The following KHDC4 variants were observed in gnomAD, a reference collection of about 807,000 sequenced individuals.
The protein encoded by KHDC4 is KH domain containing 4, pre-mRNA splicing factor, also known as KH homology domain-containing protein 4.
Under a neutral mutation model 74.5 loss-of-function variants are expected in KHDC4, and 19 were observed. That is an observed-to-expected ratio of 0.26 (90% confidence interval 0.18 to 0.37). The LOEUF is 0.37. KHDC4 is among the 10% of genes least tolerant of loss of function. The probability of loss-of-function intolerance (pLI) is 1.00; values close to 1 mark genes in which losing one functional copy is unlikely to be tolerated. For missense variants in KHDC4, 632 were observed against 754.1 expected (o/e 0.84, Z 1.90); for synonymous variants, 253 against 266.1 (o/e 0.95, Z 0.48).
chr1:155,914,036 A>G lies in KHDC4; in HGVS notation c.*85T>C. 1 of 1,201,406 alleles carries G rather than the reference A, an allele frequency of 8.3e-7. No homozygotes were observed. Among genetic ancestry groups the G allele is most frequent in the South Asian group, 1.2e-5 (1 of 80,174 alleles). 74.4% of individuals were successfully genotyped at this position (1,201,406 alleles called of 1,614,324 possible). On this transcript the variant is annotated 3_prime_UTR_variant, in exon 14 of 14. Coordinates refer to ENST00000368321, the MANE Select transcript of KHDC4 (RefSeq NM_014949.4). Reference sequence around the variant, plus strand: ...TGCAAAGGTCCAGATGGTTCCCAGCACAGGCCCCAGAGTCTTGTTAAATCA... The same window carrying G: ...TGCAAAGGTCCAGATGGTTCCCAGCGCAGGCCCCAGAGTCTTGTTAAATCA...
Position 155,929,500 on chromosome 1 carries a change from A to T in KHDC4, c.385-125T>A, listed in dbSNP as rs1674097974. 3 of 1,004,750 alleles carry T rather than the reference A, an allele frequency of 3.0e-6. No individual in the cohort carries two copies. The African/African-American group carries it at 4.9e-5, about 16-fold the overall frequency. The allele number at this position is 1,004,750 out of a possible 1,614,324, so 62.2% of individuals were successfully genotyped here. On this transcript the variant is annotated intron_variant, in intron 3 of 13. Transcript: ENST00000368321. ...GAAAGAATTCTCTCCTGTATCTGAA[A>T]TTTTGATTCCATGGTTTCTTACTCA...
chr1:155,923,286 T>C (rs1359530996), intron 8 of KHDC4, among the ~76,000 whole-genome samples: 2 of 152,120 alleles, frequency 1.3e-5, no homozygotes, highest in African/African-American at 4.8e-5. Context: ...CAAACATGTC[T>C]AACTGGTTTT....
chr1:155,928,994 T>C (rs966415534), intron 4 of KHDC4, among the ~76,000 whole-genome samples: 1 of 151,020 alleles, frequency 6.6e-6, no homozygotes, highest in African/African-American at 2.4e-5. Context: ...CTGCAGATCA[T>C]ATGGAACAGA....
intron 4 of KHDC4, among the ~76,000 whole-genome samples, chr1:155,928,138 C>T (rs531931657): frequency 3.3e-5 from 5 of 152,104 alleles, no homozygotes; most frequent in African/African-American, 1.2e-4. Flanking sequence ...TTTGGGAGGC[C>T]GAGGCAGGGG....
In KHDC4 at chr1:155,925,758, C is replaced by G; in HGVS notation, c.767G>C (p.Gly256Ala). ...FNVKEKVEGP[G>A]CSYLQHIQIE... ...CTGAATGTGCTGCAAATAGGAGCAG[C>G]CTGGACCTTCCACCTTCTCCTTGAC... The change falls in exon 7 of 14, where the codon GGC (glycine) becomes GCC (alanine). Residue 256 changes from glycine to alanine, a missense_variant. By Grantham distance (60) the Gly-to-Ala change is moderately conservative (BLOSUM62 0). Coordinates refer to ENST00000368321, the MANE Select transcript of KHDC4 (RefSeq NM_014949.4). 6.2e-7 allele frequency: 1 copy of G among 1,614,142 alleles called. No individual in the cohort carries two copies. Among genetic ancestry groups the G allele is most frequent in the Non-Finnish European group, 8.5e-7 (1 of 1,179,996 alleles).
rs1304593282 is a variant in KHDC4, at chr1:155,929,698, C to T, written c.384+14G>A. The T allele has an allele frequency of 1.9e-6, 3 of 1,606,516 alleles. No homozygotes were observed. The highest frequency in any genetic ancestry group is 2.5e-6 in the Non-Finnish European group (3 of 1,177,892). ...ACTCACCGCCCTCCCCAAAGAGTCT[C>T]AATGCCTCCTCACCTCGTCTTGAGT... On this transcript the variant is annotated intron_variant, in intron 3 of 13. Coordinates refer to ENST00000368321, the MANE Select transcript of KHDC4 (RefSeq NM_014949.4).
intron 4 of KHDC4, among the ~76,000 whole-genome samples, chr1:155,928,746 ATC>A (rs1478937585): frequency 2.0e-5 from 3 of 151,936 alleles, no homozygotes; most frequent in Non-Finnish European, 4.4e-5. Flanking sequence ...AGGTCAGGAG[ATC>A]AAGACCATCC....
intron 6 of KHDC4, among the ~76,000 whole-genome samples, chr1:155,926,282 T>G (rs1673993647): frequency 6.6e-6 from 1 of 151,470 alleles, no homozygotes; most frequent in South Asian, 2.1e-4. Flanking sequence ...GATTGGAATT[T>G]GGAATTTCAC....
At chr1:155,916,330 A>C (rs1673729803) in intron 12 of KHDC4, among the ~76,000 whole-genome samples, 1 of 152,238 alleles carries the variant, frequency 6.6e-6, no homozygotes, top group Non-Finnish European at 1.5e-5. Flanking sequence ...TGAATTATGT[A>C]ACATTTCTGT....
chr1:155,913,170 A>G lies in KHDC4; in HGVS notation c.*951T>C, dbSNP rs887037568. 2.0e-5 allele frequency: 3 copies of G among 152,798 alleles called. No homozygotes were observed. Among genetic ancestry groups the G allele is most frequent in the East Asian group, 1.9e-4 (1 of 5,326 alleles). The allele number at this position is 152,798 out of a possible 1,614,324, so 9.5% of individuals were successfully genotyped here. A position where few individuals can be genotyped will look rare whatever the true frequency, so the allele number is the denominator to read the frequency against. ...TCAAATGTGCAAAAATGACAGTTCA[A>G]TATCTCAAACTATTCCTGGTTCAGC... On this transcript the variant is annotated 3_prime_UTR_variant, in exon 14 of 14. Coordinates refer to ENST00000368321, the MANE Select transcript of KHDC4 (RefSeq NM_014949.4).
At chr1:155,919,486 C>A (rs1489419449) in intron 10 of KHDC4, among the ~76,000 whole-genome samples, 1 of 151,996 alleles carries the variant, frequency 6.6e-6, no homozygotes, top group East Asian at 1.9e-4. Flanking sequence ...ACCAGCCTGG[C>A]CAAAATGGTG....
intron 2 of KHDC4, among the ~76,000 whole-genome samples, chr1:155,933,291 CTT>C (rs34151525): frequency 1.1e-4 from 16 of 143,820 alleles, no homozygotes; most frequent in Non-Finnish European, 1.1e-4. Context: ...TTACAAACAA[CTT>C]TTTTTTTTTT....
intron 1 of KHDC4, 89 bp downstream of exon 1, chr1:155,934,247 C>G (rs111600380): frequency 1.8e-5 from 24 of 1,371,040 alleles, no homozygotes; most frequent in African/African-American, 7.1e-5. Context: ...ACTTAAGGAC[C>G]CTTCCACCCT....
intron 1 of KHDC4, among the ~76,000 whole-genome samples, chr1:155,934,063 G>A (rs1367681160): frequency 1.3e-5 from 2 of 151,820 alleles, no homozygotes; most frequent in African/African-American, 2.4e-5. Context: ...CGTTTCTACT[G>A]TCACCTATAT....
chr1:155,933,991 C>T, intron 1 of KHDC4, 142 bp from the exon 2 acceptor site: 1 of 697,424 alleles, frequency 1.4e-6, no homozygotes, highest in Non-Finnish European at 2.3e-6. Flanking sequence ...AAACTCCCCT[C>T]TCCTTAAACA....
At chr1:155,931,305 A>AG (rs1234897625) in intron 2 of KHDC4, among the ~76,000 whole-genome samples, 3 of 151,658 alleles carry the variant, frequency 2.0e-5, no homozygotes, top group East Asian at 1.9e-4. Flanking sequence ...AAAAAAAAAA[A>AG]AAAGACAGAA....
rs752867203 is a variant in KHDC4 at position 155,923,679 on chromosome 1, T to A, written c.902A>T (p.Lys301Ile). The part of the protein sequence containing the change: ...EPMYIYISHP[K>I]PEGLAAAKKL... ...CTTGGCAGCAGCCAGGCCTTCTGGT[T>A]TGGGGTGACTGCAAAGAAATAACCA... Residue 301 changes from lysine to isoleucine, a missense_variant, in exon 8 of 14, where the codon AAA becomes ATA. This residue lies in a region of KHDC4 where 233 missense variants were observed against 342.6 expected (regional missense o/e 0.68). Coordinates refer to ENST00000368321, the MANE Select transcript of KHDC4 (RefSeq NM_014949.4). 6.2e-7 allele frequency: 1 copy of A among 1,612,946 alleles called. No homozygotes were observed. Among genetic ancestry groups the A allele is most frequent in the Admixed American group, 1.7e-5 (1 of 60,000 alleles).
Position 155,919,404 on chromosome 1 carries a change from G to A in KHDC4, c.1267-1732C>T, listed in dbSNP as rs368985368. ...TGGCTGGGCACGGTGGCTTATGCCT[G>A]TAATCCTTGCACCATAATCCTAGCA... On this transcript the variant is annotated intron_variant, in intron 10 of 13. Transcript: ENST00000368321. 1.2e-4 allele frequency among the ~76,000 whole-genome samples: 19 copies of A among 152,240 alleles called. 1 individual carries two copies. The East Asian group carries it at 1.7e-3, about 14-fold the overall frequency.
chr1:155,929,151 C>A, intron 4 of KHDC4, 145 bp downstream of exon 4: 3 of 540,672 alleles, frequency 5.5e-6, no homozygotes, highest in South Asian at 3.2e-5. Context: ...GTTTGATATC[C>A]AGAATTCTGC....
Sources: allele counts gnomAD v4.1 joint callset (sites outside exome capture counted in the v4.1 genomes callset), GRCh38; gene constraint gnomAD v4.1.1; regional missense constraint gnomAD v4.1.1; transcripts MANE v1.5; gene names NCBI Gene and HGNC (gene_info 2026-07-23, HGNC 2026-07-21).